The following XIAP variants were observed in gnomAD, a reference collection of about 807,000 sequenced individuals.
XIAP encodes the protein E3 ubiquitin-protein ligase XIAP.
A neutral mutation model predicts 33.1 loss-of-function variants in XIAP; 3 were observed. The ratio of observed to expected loss-of-function variants is 0.09; its 90% confidence interval spans 0.04 to 0.23. XIAP has a LOEUF of 0.23. Ranked by LOEUF, XIAP falls within the 10% of genes least tolerant of loss-of-function variation. The pLI, the probability that XIAP is intolerant of heterozygous loss-of-function variation, is 1.00. For missense variants in XIAP, 264 were observed against 363.0 expected, an observed-to-expected ratio of 0.73 and a Z score of 2.22; for synonymous variants, 98 against 121.3, an observed-to-expected ratio of 0.81 and a Z score of 1.26.
In XIAP at chrX:123,900,632, T is replaced by C. The variant is rs1454633750; in HGVS notation, c.1239T>C (p.Asp413=). The part of the protein sequence containing the change: ...NYKSLEVLVA[D]LVNAQKDSMQ... ...AATCACTTGAGGTTCTGGTTGCAGA[T>C]CTAGTGAATGCTCAGAAAGACAGTA... The change falls in exon 6 of 7, where the codon GAT becomes GAC. Residue 413 remains aspartate (D), a synonymous_variant. Transcript: ENST00000371199. The C allele has an allele frequency of 8.3e-7, 1 of 1,211,305 alleles. No homozygotes were observed. Among genetic ancestry groups the C allele is most frequent in the Admixed American group, 2.2e-5 (1 of 45,921 alleles).
Position 123,910,231 on chromosome X carries a change from G to T in XIAP, c.*3050G>T, listed in dbSNP as rs754226610. The T allele has an allele frequency of 2.4e-5, 8 of 327,629 alleles. No individual in the cohort carries two copies. The highest frequency in any genetic ancestry group is 9.7e-5 in the East Asian group (1 of 10,265). 27.0% of individuals were successfully genotyped at this position (327,629 alleles called of 1,213,427 possible). On this transcript the variant is annotated 3_prime_UTR_variant, in exon 7 of 7. Coordinates refer to ENST00000371199, the MANE Select transcript of XIAP (RefSeq NM_001167.4). ...TATATTGCCTTTCCTGCTACATTTG[G>T]TTTTTTCCCCTGTCCCTTTGATTAC...
At chrX:123,888,828 T>G in intron 3 of XIAP, 110 bp downstream of exon 3, 1 of 651,394 alleles carries the variant, frequency 1.5e-6, no homozygotes, top group East Asian at 3.5e-5. Flanking sequence ...TTGAAATTCA[T>G]GCTAGGTTTA....
At chrX:123,887,540 T>C (rs2053363072) in intron 2 of XIAP, among the ~76,000 whole-genome samples, 1 of 112,816 alleles carries the variant, frequency 8.9e-6, no homozygotes, top group Admixed American at 9.5e-5. Context: ...TCTTGAAGGT[T>C]TGTTTAGTGT....
At position 123,911,800 on chromosome X, in the gene XIAP, T is replaced by G. The variant is rs1230029763; in HGVS notation, c.*4619T>G. 3.0e-6 allele frequency: 1 copy of G among 329,814 alleles called. No homozygotes were observed. The highest frequency in any genetic ancestry group is 5.9e-6 in the Non-Finnish European group (1 of 170,080). The allele number at this position is 329,814 out of a possible 1,213,427, so 27.2% of individuals were successfully genotyped here. A position where few individuals can be genotyped will look rare whatever the true frequency, so the allele number is the denominator to read the frequency against. ...TGGCTTTTTCCCACTTCAATAATCATTTTCAGTTTGACTCATACAGTTAAC... is the reference window on the plus strand; with the variant it reads ...TGGCTTTTTCCCACTTCAATAATCAGTTTCAGTTTGACTCATACAGTTAAC... On this transcript the variant is annotated 3_prime_UTR_variant, in exon 7 of 7. Transcript: ENST00000371199.
At chrX:123,877,345 G>T (rs925336233) in intron 1 of XIAP, among the ~76,000 whole-genome samples, 1 of 111,827 alleles carries the variant, frequency 8.9e-6, no homozygotes, top group Non-Finnish European at 1.9e-5. Flanking sequence ...GGGATTACAG[G>T]CATGAGCCAC....
In XIAP at chrX:123,913,498, C is replaced by T. The variant is rs1047458662; in HGVS notation, c.*6317C>T. On this transcript the variant is annotated 3_prime_UTR_variant, in exon 7 of 7. Transcript: ENST00000371199. Reference sequence around the variant, plus strand: ...AACAAAACAAAACAAAAAAATTAGACAAATGCTACATTAATGTTTGGGTGG... The same window carrying T: ...AACAAAACAAAACAAAAAAATTAGATAAATGCTACATTAATGTTTGGGTGG... 1 of 327,538 alleles carries T rather than the reference C, an allele frequency of 3.1e-6. No homozygotes were observed. Among genetic ancestry groups the T allele is most frequent in the African/African-American group, 2.7e-5 (1 of 37,617 alleles). The allele number at this position is 327,538 out of a possible 1,213,427, so 27.0% of individuals were successfully genotyped here.
chrX:123,872,050 G>A (rs938565951), intron 1 of XIAP, among the ~76,000 whole-genome samples: 3 of 111,283 alleles, frequency 2.7e-5, no homozygotes, highest in Admixed American at 1.9e-4. Flanking sequence ...GCAGTGAGCC[G>A]AGATTGTGCC....
In XIAP at chrX:123,907,629, C is replaced by G. The variant is rs186273001; in HGVS notation, c.*448C>G. 2.0e-4 allele frequency: 75 copies of G among 372,733 alleles called. No individual in the cohort carries two copies. Among genetic ancestry groups the G allele is most frequent in the African/African-American group, 1.8e-3 (73 of 40,149 alleles). 30.7% of individuals were successfully genotyped at this position (372,733 alleles called of 1,213,427 possible). ...TGAAAAAGGAATAAATTGTTCCATG[C>G]TGGTGGAAAGATAGAGATTGTTTTT... On this transcript the variant is annotated 3_prime_UTR_variant, in exon 7 of 7. Coordinates refer to ENST00000371199, the MANE Select transcript of XIAP (RefSeq NM_001167.4).
At chrX:123,860,021 G>A (rs1232922439), upstream of XIAP, 1 of 318,625 alleles carries the variant, frequency 3.1e-6, no homozygotes, top group Non-Finnish European at 6.2e-6. Context: ...GCCCGGGCTG[G>A]GAGACTGACG....
chrX:123,892,663 C>G (rs2053418379), intron 4 of XIAP, 68 bp from the exon 5 acceptor site: 1 of 936,292 alleles, frequency 1.1e-6, no homozygotes, highest in African/African-American at 1.9e-5. Flanking sequence ...ATTAATTTCA[C>G]TTTTCAAATG....
intron 2 of XIAP, among the ~76,000 whole-genome samples, chrX:123,888,308 C>T (rs2053373038): frequency 8.9e-6 from 1 of 112,232 alleles, no homozygotes; most frequent in South Asian, 3.6e-4. Flanking sequence ...GCACTCCGGT[C>T]TGGGGAACAG....
In XIAP at chrX:123,913,200, G is replaced by A. The variant is rs1173955900; in HGVS notation, c.*6019G>A. 1 of 329,134 alleles carries A rather than the reference G, an allele frequency of 3.0e-6. No homozygotes were observed. The highest frequency in any genetic ancestry group is 9.7e-5 in the East Asian group (1 of 10,287). 27.1% of individuals were successfully genotyped at this position (329,134 alleles called of 1,213,427 possible). On this transcript the variant is annotated 3_prime_UTR_variant, in exon 7 of 7. Transcript: ENST00000371199. ...AAAGTAGACAAATGGCGCCGGGCAC[G>A]GTGGCTCACGCCTGTAATCCCAGCA...
rs754090066 is a variant in XIAP at position 123,885,649 on chromosome X, A to G, written c.-14A>G. 3 of 1,208,638 alleles carry G rather than the reference A, an allele frequency of 2.5e-6. No individual in the cohort carries two copies. The highest frequency in any genetic ancestry group is 5.9e-5 in the East Asian group (2 of 33,851). On this transcript the variant is annotated 5_prime_UTR_variant, in exon 2 of 7. Transcript: ENST00000371199. Reference sequence around the variant, plus strand: ...TTTTTAGAAAAGGTGGACAAGTCCTATTTTCAAGAGAAGATGACTTTTAAC... The same window carrying G: ...TTTTTAGAAAAGGTGGACAAGTCCTGTTTTCAAGAGAAGATGACTTTTAAC...
At chrX:123,891,460 T>C (rs1296783938) in intron 4 of XIAP, 144 bp downstream of exon 4, 1 of 297,010 alleles carries the variant, frequency 3.4e-6, no homozygotes, top group African/African-American at 2.8e-5. Flanking sequence ...TCAATATATG[T>C]GTACATTACA....
At chrX:123,894,952 A>ATAAGTAAGTAAG (rs576098439) in intron 5 of XIAP, among the ~76,000 whole-genome samples, 211 of 65,974 alleles carry the variant, frequency 3.2e-3, no homozygotes, top group Middle Eastern at 0.015. Context: ...TCAAACATAA[A>ATAAGTAAGTAAG]TAAGTAAATA....
intron 5 of XIAP, among the ~76,000 whole-genome samples, chrX:123,897,709 C>T (rs752754973): frequency 7.0e-4 from 78 of 111,637 alleles, no homozygotes; most frequent in Middle Eastern, 9.2e-3. Context: ...ACTACAGGCA[C>T]ATGCCACTGC....
rs1173411245 is a variant in XIAP, at chrX:123,907,015, G to A, written c.1328G>A (p.Arg443His). 1.6e-5 allele frequency: 19 copies of A among 1,210,066 alleles called. No individual in the cohort carries two copies. Among genetic ancestry groups the A allele is most frequent in the Non-Finnish European group, 1.9e-5 (17 of 895,181 alleles). The change falls in exon 7 of 7, where the codon CGC (arginine) becomes CAC (histidine). Residue 443 changes from arginine (R) to histidine (H), a missense_variant. Physicochemically the swap from Arg to His is conservative, Grantham distance 29 (BLOSUM62 0). Coordinates refer to ENST00000371199, the MANE Select transcript of XIAP (RefSeq NM_001167.4). Reference protein sequence around the residue: ...KEISTEEQLRRLQEEKLCKIC... With the variant: ...KEISTEEQLRHLQEEKLCKIC... ...ATTAGTACTGAAGAGCAGCTAAGGC[G>A]CCTGCAAGAGGAGAAGCTTTGCAAA...
intron 3 of XIAP, among the ~76,000 whole-genome samples, chrX:123,889,192 G>A (rs917894835): frequency 2.1e-4 from 23 of 109,391 alleles, no homozygotes; most frequent in African/African-American, 6.7e-4. Flanking sequence ...CCAGGTTCAA[G>A]CGATTCTCCT....
In XIAP at chrX:123,877,875, GAGGC is replaced by G. The variant is rs2053260961; in HGVS notation, c.-32-7753_-32-7750del. 9.1e-5 allele frequency among the ~76,000 whole-genome samples: 10 copies of G among 110,464 alleles called. No individual in the cohort carries two copies. In the South Asian group the frequency reaches 3.9e-3, roughly 43 times the overall value. Reference sequence around the variant, plus strand: ...TGTAGTCCCAGCTACTCGGGTGACTGAGGCAGAAGAATGGCGTGAACCCGGGAGG... The same window carrying G: ...TGTAGTCCCAGCTACTCGGGTGACTGAGAAGAATGGCGTGAACCCGGGAGG... On this transcript the variant is annotated intron_variant, in intron 1 of 6. Transcript: ENST00000371199.
Sources: allele counts gnomAD v4.1 joint callset (sites outside exome capture counted in the v4.1 genomes callset), GRCh38; gene constraint gnomAD v4.1.1; transcripts MANE v1.5; gene names NCBI Gene and HGNC (gene_info 2026-07-23, HGNC 2026-07-21).